The following MBD2 variants were observed in gnomAD, a reference collection of about 807,000 sequenced individuals.
MBD2 encodes the protein methyl-CpG binding domain protein 2, also known as methyl-CpG-binding domain protein 2.
MBD2 carries 9 observed loss-of-function variants against 39.3 expected under a neutral mutation model. The observed-to-expected ratio is 0.23, with a 90% CI of 0.14 to 0.40. The LOEUF is 0.40. Among genes scored for constraint, MBD2 ranks in the 10% least tolerant of loss-of-function variants. The pLI is 1.00. For missense variants in MBD2, 458 were observed against 532.6 expected (o/e 0.86, Z 1.38); for synonymous variants, 233 against 211.1 (o/e 1.10, Z -0.90).
chr18:54,177,326 A>G (rs1334758954), intron 3 of MBD2, among the ~76,000 whole-genome samples: 2 of 152,214 alleles, frequency 1.3e-5, no homozygotes, highest in African/African-American at 4.8e-5. Context: ...TTAATCAGCA[A>G]TATCTGCTGT....
chr18:54,202,559 T>C (rs1568089649), intron 2 of MBD2: 2 of 264,408 alleles, frequency 7.6e-6, no homozygotes, highest in South Asian at 2.0e-4. Context: ...ACTTATTTTT[T>C]AAAATGCAAA....
intron 1 of MBD2, among the ~76,000 whole-genome samples, chr18:54,211,946 C>G (rs1378609331): frequency 6.6e-6 from 1 of 151,982 alleles, no homozygotes. Context: ...ACCTCCGTCT[C>G]CTGCCTTCAA....
chr18:54,189,812 A>C (rs1215037422), intron 2 of MBD2, among the ~76,000 whole-genome samples: 2 of 151,632 alleles, frequency 1.3e-5, no homozygotes, highest in Non-Finnish European at 2.9e-5. Flanking sequence ...CCAGCAGGCT[A>C]AGTTTTTGTA....
At chr18:54,213,005 C>G (rs1161843987) in intron 1 of MBD2, among the ~76,000 whole-genome samples, 13 of 130,142 alleles carry the variant, frequency 1.0e-4, no homozygotes, top group Non-Finnish European at 1.5e-5. Flanking sequence ...GCACTCCAGC[C>G]TGGGCAACAG....
intron 2 of MBD2, among the ~76,000 whole-genome samples, chr18:54,201,357 G>A (rs1183706874): frequency 4.6e-5 from 7 of 152,198 alleles, no homozygotes; most frequent in Non-Finnish European, 4.4e-5. Flanking sequence ...AGAGATGGAG[G>A]TGGTGGTTGG....
At chr18:54,184,334 G>T (rs1009164671) in intron 3 of MBD2, among the ~76,000 whole-genome samples, 9 of 152,018 alleles carry the variant, frequency 5.9e-5, no homozygotes. Context: ...TGTGCTCTGC[G>T]CATGTGAGGA....
intron 5 of MBD2, among the ~76,000 whole-genome samples, chr18:54,164,195 T>C (rs2086114843): frequency 6.6e-6 from 1 of 152,186 alleles, no homozygotes. Flanking sequence ...AGAAAGAGGT[T>C]CTTTAGAATA....
At chr18:54,164,305 C>T (rs749206634) in intron 5 of MBD2, among the ~76,000 whole-genome samples, 1 of 152,046 alleles carries the variant, frequency 6.6e-6, no homozygotes, top group African/African-American at 2.4e-5. Flanking sequence ...ATGACGATAC[C>T]CCTGGCATGC....
intron 1 of MBD2, among the ~76,000 whole-genome samples, chr18:54,210,579 T>TATG (rs1010485719): frequency 2.0e-4 from 31 of 152,342 alleles, no homozygotes; most frequent in Middle Eastern, 3.4e-3. Context: ...GTCAAACCAT[T>TATG]ATGAGGCCAG....
intron 2 of MBD2, among the ~76,000 whole-genome samples, chr18:54,196,387 ATAAC>A (rs956021147): frequency 1.3e-5 from 2 of 152,206 alleles, no homozygotes; most frequent in African/African-American, 4.8e-5. Context: ...TGCTTGAAAA[ATAAC>A]TTACTGGAGC....
intron 3 of MBD2, among the ~76,000 whole-genome samples, chr18:54,179,932 A>C (rs2086238308): frequency 8.7e-6 from 1 of 115,092 alleles, no homozygotes; most frequent in Non-Finnish European, 1.7e-5. Context: ...GTTAAGAAAG[A>C]AAGAAGGAAA....
chr18:54,180,214 C>T (rs994255890), intron 3 of MBD2, among the ~76,000 whole-genome samples: 10 of 151,996 alleles, frequency 6.6e-5, no homozygotes, highest in African/African-American at 2.4e-4. Context: ...ACCTAAGATT[C>T]GTGGACTGTA....
chr18:54,171,861 A>C lies in MBD2; in HGVS notation c.841-5695T>G, dbSNP rs114799325. Among the ~76,000 whole-genome samples the C allele has an allele frequency of 2.7e-3, 405 of 152,368 alleles. 2 individuals are homozygous for C. Among genetic ancestry groups the C allele is most frequent in the African/African-American group, 9.3e-3 (387 of 41,588 alleles). On this transcript the variant is annotated intron_variant, in intron 3 of 6. Transcript: ENST00000256429. Reference sequence around the variant, plus strand: ...AGAAACGGAAGCATGGGGAACTTAAATAACTTACACAATTAATCAGTGGTG... The same window carrying C: ...AGAAACGGAAGCATGGGGAACTTAACTAACTTACACAATTAATCAGTGGTG...
intron 5 of MBD2, among the ~76,000 whole-genome samples, chr18:54,164,123 C>G (rs2086114404): frequency 1.3e-5 from 2 of 152,220 alleles, no homozygotes; most frequent in South Asian, 4.2e-4. Flanking sequence ...TGGGCTCAAG[C>G]AATCCTCCCA....
At chr18:54,157,163 G>A (rs1242202409) in intron 6 of MBD2, among the ~76,000 whole-genome samples, 11 of 152,010 alleles carry the variant, frequency 7.2e-5, no homozygotes, top group Non-Finnish European at 2.9e-5. Context: ...ATACATCCTT[G>A]CCAGCTTGGA....
chr18:54,168,222 T>C (rs1438046865), intron 3 of MBD2, among the ~76,000 whole-genome samples: 1 of 151,788 alleles, frequency 6.6e-6, no homozygotes, highest in African/African-American at 2.4e-5. Context: ...TTCCAGATAT[T>C]AAAAAATAAT....
chr18:54,201,342 G>C (rs1472635404), intron 2 of MBD2, among the ~76,000 whole-genome samples: 1 of 152,158 alleles, frequency 6.6e-6, no homozygotes, highest in Non-Finnish European at 1.5e-5. Flanking sequence ...TTCAACGTCA[G>C]TTGAAGAGAT....
chr18:54,168,306 T>A (rs1446715675), intron 3 of MBD2, among the ~76,000 whole-genome samples: 1 of 151,270 alleles, frequency 6.6e-6, no homozygotes, highest in African/African-American at 2.4e-5. Flanking sequence ...TACAAAAAAT[T>A]TATAAAGAAA....
chr18:54,205,712 T>C (rs1240515899), intron 1 of MBD2, among the ~76,000 whole-genome samples: 1 of 151,988 alleles, frequency 6.6e-6, no homozygotes, highest in Non-Finnish European at 1.5e-5. Context: ...ATACATAACA[T>C]GTTGCCACAG....
Sources: gnomAD v4.1 joint callset for allele counts (sites outside exome capture counted in the v4.1 genomes callset) on GRCh38, gnomAD v4.1.1 for gene constraint, MANE v1.5 for transcripts, NCBI Gene and HGNC (gene_info 2026-07-23, HGNC 2026-07-21) for gene names.